Variants in RERE observed in about 807,000 individuals in gnomAD.
RERE encodes the protein arginine-glutamic acid dipeptide repeats, also known as arginine-glutamic acid dipeptide repeats protein.
Under a neutral mutation model 146.1 loss-of-function variants are expected in RERE, and 40 were observed. The observed-to-expected ratio is 0.27, with a 90% CI of 0.21 to 0.36. RERE has a LOEUF of 0.36. RERE is among the 10% of genes least tolerant of loss of function. The pLI is 1.00. For synonymous variants in RERE, 1,003 were observed against 866.0 expected, an observed-to-expected ratio of 1.16 and a Z score of -2.78; for missense variants, 1,933 against 2,138.7, an observed-to-expected ratio of 0.90 and a Z score of 1.90.
chr1:8,795,785 C>G (rs1031277412), intron 1 of RERE, among the ~76,000 whole-genome samples: 1 of 151,170 alleles, frequency 6.6e-6, no homozygotes, highest in Non-Finnish European at 1.5e-5. Flanking sequence ...GAGTTCGAGA[C>G]CAGCCTGACC....
intron 4 of RERE, among the ~76,000 whole-genome samples, chr1:8,564,656 C>A (rs150555505): frequency 0.019 from 2,965 of 152,226 alleles, 44 homozygotes; most frequent in Non-Finnish European, 0.027. Context: ...AGGAATCCCA[C>A]TTCTGTGAAT....
intron 1 of RERE, among the ~76,000 whole-genome samples, chr1:8,774,564 G>C (rs1641022459): frequency 6.6e-6 from 1 of 151,762 alleles, no homozygotes; most frequent in Non-Finnish European, 1.5e-5. Flanking sequence ...TGTTGTGTCA[G>C]GCTGGTCTTG....
chr1:8,593,381 G>A (rs549670616), intron 4 of RERE, among the ~76,000 whole-genome samples: 31 of 152,230 alleles, frequency 2.0e-4, no homozygotes, highest in South Asian at 1.0e-3. Flanking sequence ...TGGGTCTTTC[G>A]TGTGCTGTTC....
intron 3 of RERE, among the ~76,000 whole-genome samples, chr1:8,616,355 CTGTTTCCCT>C (rs1201320803): frequency 2.0e-5 from 3 of 152,112 alleles, no homozygotes; most frequent in African/African-American, 7.2e-5. Flanking sequence ...TTGACAGTAT[CTGTTTCCCT>C]AATTTTTTTT....
At chr1:8,386,613 A>G (rs1642690398) in intron 12 of RERE, among the ~76,000 whole-genome samples, 1 of 124,736 alleles carries the variant, frequency 8.0e-6, no homozygotes, top group Admixed American at 9.5e-5. Flanking sequence ...TTGAAAAATA[A>G]GCAAAAGACT....
intron 12 of RERE, among the ~76,000 whole-genome samples, chr1:8,398,027 G>A (rs1406225238): frequency 6.6e-6 from 1 of 152,210 alleles, no homozygotes; most frequent in Non-Finnish European, 1.5e-5. Flanking sequence ...AGACAATGCA[G>A]AGCCAGAGAA....
rs538591430 is a variant in RERE, at chr1:8,692,574, C to T, written c.-144-36133G>A. Among the ~76,000 whole-genome samples, 16 of 152,212 alleles carry T rather than the reference C, an allele frequency of 1.1e-4. No homozygotes were observed. The Middle Eastern group carries it at 0.01, about 97-fold the overall frequency. The stretch of plus-strand genomic sequence containing the variant: ...ATAATGGCCAGGCTGGTCTCTAACT[C>T]CTGATCTCAAGTGATCTGCCCGTCT... On this transcript the variant is annotated intron_variant, in intron 1 of 22. Transcript: ENST00000400908.
At chr1:8,372,204 T>C (rs923231510) in intron 12 of RERE, among the ~76,000 whole-genome samples, 9 of 152,122 alleles carry the variant, frequency 5.9e-5, no homozygotes, top group African/African-American at 2.2e-4. Flanking sequence ...TTTCAAACAG[T>C]ATGGGGCCCA....
intron 12 of RERE, among the ~76,000 whole-genome samples, chr1:8,392,976 T>C (rs928791258): frequency 2.6e-5 from 4 of 152,178 alleles, no homozygotes; most frequent in African/African-American, 7.2e-5. Context: ...GAAAATATAG[T>C]TGGATACTAC....
At chr1:8,743,581 T>A (rs1640357166) in intron 1 of RERE, among the ~76,000 whole-genome samples, 1 of 152,036 alleles carries the variant, frequency 6.6e-6, no homozygotes, top group African/African-American at 2.4e-5. Flanking sequence ...ATTTTTAAAC[T>A]ATTTTTATTC....
rs778023375 is a variant in RERE, at chr1:8,496,844, G to C, written c.1004+561C>G. Among the ~76,000 whole-genome samples the C allele has an allele frequency of 2.9e-4, 44 of 152,346 alleles. No individual in the cohort carries two copies. The South Asian group carries it at 3.5e-3, about 12-fold the overall frequency. On this transcript the variant is annotated intron_variant, in intron 9 of 22. Coordinates refer to ENST00000400908, the MANE Select transcript of RERE (RefSeq NM_001042681.2). ...GGCACTAATGAACAGCCACAAAGTAGAGACAGAACATGAAATCTGTAGAGG... is the reference window on the plus strand; with the variant it reads ...GGCACTAATGAACAGCCACAAAGTACAGACAGAACATGAAATCTGTAGAGG...
At chr1:8,477,108 G>T (rs1197811541) in intron 10 of RERE, among the ~76,000 whole-genome samples, 2 of 152,170 alleles carry the variant, frequency 1.3e-5, no homozygotes, top group Non-Finnish European at 1.5e-5. Flanking sequence ...TATGCCACAG[G>T]TCTTTAAATG....
Position 8,364,380 on chromosome 1 carries a change from G to GC in RERE, c.1541-126dup. ...TGCCACCAGCACCATGCAGCCCTGG[G>GC]CCCCAACACCCCAGGGCTAGTGCTG... is the stretch of plus-strand genomic sequence containing the variant. On this transcript the variant is annotated intron_variant, in intron 14 of 22. Coordinates refer to ENST00000400908, the MANE Select transcript of RERE (RefSeq NM_001042681.2). This position sits in a 1 kb window ranked among gnomAD's most constrained non-coding sequence, Gnocchi z 5.1. 1.2e-6 allele frequency: 1 copy of GC among 832,636 alleles called. No homozygotes were observed. Among genetic ancestry groups the GC allele is most frequent in the Non-Finnish European group, 2.0e-6 (1 of 509,456 alleles). The allele number at this position is 832,636 out of a possible 1,614,324, so 51.6% of individuals were successfully genotyped here.
At chr1:8,692,804 C>T (rs1184772395) in intron 1 of RERE, among the ~76,000 whole-genome samples, 1 of 152,136 alleles carries the variant, frequency 6.6e-6, no homozygotes, top group Non-Finnish European at 1.5e-5. Flanking sequence ...CTTAGTGTAG[C>T]ATATTTTACA....
chr1:8,648,996 T>C (rs754997171), intron 2 of RERE, among the ~76,000 whole-genome samples: 2 of 149,616 alleles, frequency 1.3e-5, no homozygotes, highest in Non-Finnish European at 3.0e-5. Context: ...CACAATAATA[T>C]GAAGTTAGTT....
At chr1:8,700,741 G>T (rs1358737192) in intron 1 of RERE, among the ~76,000 whole-genome samples, 1 of 152,036 alleles carries the variant, frequency 6.6e-6, no homozygotes, top group African/African-American at 2.4e-5. Flanking sequence ...AGTTAACAAA[G>T]AACCCATTTT....
intron 12 of RERE, among the ~76,000 whole-genome samples, chr1:8,417,912 T>C (rs1460628885): frequency 5.3e-5 from 8 of 152,300 alleles, no homozygotes; most frequent in Admixed American, 3.9e-4. Flanking sequence ...GGCTGGAAAG[T>C]TGCTTTTCCT....
At chr1:8,500,463 C>T (rs990816904) in intron 8 of RERE, among the ~76,000 whole-genome samples, 5 of 152,226 alleles carry the variant, frequency 3.3e-5, no homozygotes, top group African/African-American at 1.2e-4. Flanking sequence ...CCGCCAGCCT[C>T]GGCCTCCCGA....
rs535498518 is a variant in RERE, at chr1:8,413,948, G to A, written c.1284+8779C>T. ...CGCATGCCTATAATCCCAGCCATTC[G>A]GGAGGAAGAGGGAGGAGAATTGCTT... On this transcript the variant is annotated intron_variant, in intron 12 of 22. Transcript: ENST00000400908. 2.6e-5 allele frequency among the ~76,000 whole-genome samples: 4 copies of A among 151,580 alleles called. No homozygotes were observed. The East Asian group carries it at 6.0e-4, about 23-fold the overall frequency.
Sources: gnomAD v4.1 joint callset for allele counts (sites outside exome capture counted in the v4.1 genomes callset) on GRCh38, gnomAD v4.1.1 for gene constraint, Gnocchi (gnomAD v3.1) non-coding constraint, MANE v1.5 for transcripts, NCBI Gene and HGNC (gene_info 2026-07-23, HGNC 2026-07-21) for gene names.